Variants in CANX observed in about 807,000 individuals in gnomAD.
CANX encodes epididymis secretory sperm binding protein.
In CANX, 14 loss-of-function variants were observed where a neutral mutation model predicts 75.7. That is an observed-to-expected ratio of 0.19 (90% CI 0.12 to 0.29). The LOEUF is 0.29. Among genes scored for constraint, CANX ranks in the 10% least tolerant of loss-of-function variants. CANX has a pLI of 1.00. For synonymous variants in CANX, 227 were observed against 236.9 expected, an observed-to-expected ratio of 0.96 and a Z score of 0.38; for missense variants, 567 against 713.2, an observed-to-expected ratio of 0.79 and a Z score of 2.34.
rs201460756 is a variant in CANX at position 179,705,886 on chromosome 5, G to A, written c.171+34G>A. On this transcript the variant is annotated intron_variant, in intron 2 of 14. Coordinates refer to ENST00000247461, the MANE Select transcript of CANX (RefSeq NM_001746.4). ...TGGTCTTTGAATCTATTCCTTTTAC[G>A]TCTTGAGATGATAAAATTATGAAGA... 77 of 1,566,604 alleles carry A rather than the reference G, an allele frequency of 4.9e-5. 1 individual carries two copies. The African/African-American group carries it at 5.8e-4, about 12-fold the overall frequency.
At chr5:179,692,394 A>G (rs769493148) in intron 1 of CANX, among the ~76,000 whole-genome samples, 5 of 152,002 alleles carry the variant, frequency 3.3e-5, no homozygotes, top group Non-Finnish European at 7.4e-5. Flanking sequence ...CCTTATAACC[A>G]AAAAGAGCCC....
intron 10 of CANX, 89 bp downstream of exon 10, chr5:179,720,649 C>T (rs1402230064): frequency 1.7e-6 from 2 of 1,157,196 alleles, no homozygotes; most frequent in East Asian, 2.4e-5. Flanking sequence ...CCAGGTTGGT[C>T]ATTATATTCA....
At chr5:179,685,422 A>G (rs1316644116) in intron 1 of CANX, among the ~76,000 whole-genome samples, 1 of 148,930 alleles carries the variant, frequency 6.7e-6, no homozygotes, top group Admixed American at 6.7e-5. Context: ...CTAATTTTGT[A>G]TTTTTAGTAG....
intron 1 of CANX, chr5:179,700,236 A>G (rs1209847410): frequency 6.6e-6 from 1 of 152,212 alleles, no homozygotes; most frequent in Non-Finnish European, 1.5e-5. Context: ...TGAGCTTAAT[A>G]TTAAAAGATT....
At chr5:179,701,705 G>T (rs11744662) in intron 1 of CANX, among the ~76,000 whole-genome samples, 67,349 of 145,802 alleles carry the variant, frequency 0.46, 16,688 homozygotes, top group South Asian at 0.63. Flanking sequence ...GGAAAGTCCT[G>T]GTTGAATTCT....
Position 179,709,015 on chromosome 5 carries a change from G to A in CANX, c.484G>A (p.Gly162Ser). 1.2e-6 allele frequency: 2 copies of A among 1,603,576 alleles called. No homozygotes were observed. The highest frequency in any genetic ancestry group is 1.7e-6 in the Non-Finnish European group (2 of 1,170,410). The change falls in exon 6 of 15, where the codon GGT becomes AGT. Residue 162 changes from glycine to serine, a missense_variant. Physicochemically the swap from Gly to Ser is moderately conservative, Grantham distance 56. Transcript: ENST00000247461. ...TTTCCAAAATGGAATAGAATGTGGTGGTGCCTATGTGAAACTGCTTTCTAA... is the reference window on the plus strand; with the variant it reads ...TTTCCAAAATGGAATAGAATGTGGTAGTGCCTATGTGAAACTGCTTTCTAA... ...VNFQNGIECG[G>S]AYVKLLSKTP...
upstream of CANX, chr5:179,698,841 C>A (rs912113734): frequency 2.2e-6 from 2 of 905,012 alleles, no homozygotes; most frequent in Non-Finnish European, 2.9e-6. Context: ...TAGAGCGATG[C>A]CCACGCCGGC....
intron 14 of CANX, among the ~76,000 whole-genome samples, chr5:179,728,087 C>G (rs1186292970): frequency 2.0e-5 from 3 of 152,130 alleles, no homozygotes; most frequent in African/African-American, 7.2e-5. Context: ...CCATGTTTCC[C>G]CCAAACTCCC....
intron 7 of CANX, among the ~76,000 whole-genome samples, chr5:179,713,761 A>G (rs1562490649): frequency 2.6e-5 from 4 of 151,636 alleles, no homozygotes; most frequent in African/African-American, 9.7e-5. Flanking sequence ...CTACAAAAAA[A>G]TAATTATTCA....
rs767797862 is a variant in CANX, at chr5:179,708,273, G to A, written c.339G>A (p.Lys113=). Residue 113 remains lysine, a synonymous_variant, in exon 5 of 15, where the codon AAG becomes AAA. Coordinates refer to ENST00000247461, the MANE Select transcript of CANX (RefSeq NM_001746.4). The part of the protein sequence containing the change: ...KWEVEEMKES[K]LPGDKGLVLM... ...AGGTAGAGGAAATGAAGGAGTCAAA[G>A]CTTCCAGGTGATAAAGGACTTGTGT... 2 of 1,613,742 alleles carry A rather than the reference G, an allele frequency of 1.2e-6. No individual in the cohort carries two copies. Among genetic ancestry groups the A allele is most frequent in the South Asian group, 2.2e-5 (2 of 91,076 alleles).
chr5:179,703,498 A>G (rs1243806380), intron 1 of CANX, among the ~76,000 whole-genome samples: 1 of 151,810 alleles, frequency 6.6e-6, no homozygotes, highest in Non-Finnish European at 1.5e-5. Context: ...GAGCCACCCC[A>G]CCCTGCCCAA....
rs145896309 is a variant in CANX, at chr5:179,682,529, G to A, written c.-4+3752G>A. On this transcript the variant is annotated intron_variant, in intron 1 of 14. Coordinates refer to the CANX transcript ENST00000681674. ...AGTTTGAGACCAGCGTGACCAACAT[G>A]GAGAAACACCATCTCTTCTCAAAAT... Among the ~76,000 whole-genome samples, 789 of 151,966 alleles carry A rather than the reference G, an allele frequency of 5.2e-3. 10 individuals carry two copies. The highest frequency in any genetic ancestry group is 0.018 in the African/African-American group (752 of 41,452).
intron 1 of CANX, among the ~76,000 whole-genome samples, chr5:179,702,933 C>T (rs1287408104): frequency 6.6e-6 from 1 of 152,100 alleles, no homozygotes; most frequent in Non-Finnish European, 1.5e-5. Context: ...CCACACCCAG[C>T]TAATTTTGTG....
At chr5:179,701,289 A>G (rs1776737972) in intron 1 of CANX, among the ~76,000 whole-genome samples, 1 of 152,150 alleles carries the variant, frequency 6.6e-6, no homozygotes, top group Non-Finnish European at 1.5e-5. Flanking sequence ...ACATGAAACT[A>G]CTTTAAAAAG....
chr5:179,678,698 T>A (rs200177340), exon 1 of CANX: 1 of 1,536,838 alleles, frequency 6.5e-7, no homozygotes, highest in Non-Finnish European at 8.7e-7. Context: ...CACCTCGGGG[T>A]TGCGCTGCTT....
intron 10 of CANX, 56 bp from the exon 11 acceptor site, chr5:179,722,748 A>G: frequency 3.2e-6 from 4 of 1,264,866 alleles, no homozygotes; most frequent in Non-Finnish European, 3.4e-6. Context: ...TAGATTCACC[A>G]TAAACTTTTG....
intron 1 of CANX, among the ~76,000 whole-genome samples, chr5:179,692,212 C>T (rs574190848): frequency 4.0e-5 from 6 of 151,896 alleles, no homozygotes; most frequent in Non-Finnish European, 8.8e-5. Context: ...GTAGCTGGGA[C>T]TACAGGTACG....
Position 179,716,160 on chromosome 5 carries a change from T to G in CANX, c.777T>G (p.Ser259Arg), listed in dbSNP as rs758525989. Residue 259 changes from serine (S) to arginine (R), a missense_variant, in exon 8 of 15, where the codon AGT becomes AGG. Coordinates refer to ENST00000247461, the MANE Select transcript of CANX (RefSeq NM_001746.4). The stretch of plus-strand genomic sequence containing the variant: ...TGGTTGACCAATCTGTGGTGAATAG[T>G]GGAAATCTGCTCAATGACATGACTC... ...EILVDQSVVN[S>R]GNLLNDMTPP... 1 of 1,613,214 alleles carries G rather than the reference T, an allele frequency of 6.2e-7. No homozygotes were observed. The highest frequency in any genetic ancestry group is 1.1e-5 in the South Asian group (1 of 91,058).
At chr5:179,712,932 C>G (rs1777680134) in intron 7 of CANX, among the ~76,000 whole-genome samples, 1 of 143,164 alleles carries the variant, frequency 7.0e-6, no homozygotes, top group African/African-American at 2.6e-5. Flanking sequence ...TTTTTTCCAG[C>G]TAATTTTTCT....
Sources: gnomAD v4.1 joint callset for allele counts (sites outside exome capture counted in the v4.1 genomes callset) on GRCh38, gnomAD v4.1.1 for gene constraint, MANE v1.5 for transcripts, NCBI Gene and HGNC (gene_info 2026-07-23, HGNC 2026-07-21) for gene names.